RNPC3: variants seen among roughly 807,000 people sequenced by gnomAD.
RNPC3 encodes RNA binding region (RNP1, RRM) containing 3.
Under a neutral mutation model 67.5 loss-of-function variants are expected in RNPC3, and 48 were observed. The ratio of observed to expected loss-of-function variants is 0.71; its 90% CI spans 0.56 to 0.90. The LOEUF is 0.90. Ranked by LOEUF, RNPC3 falls within the 40% of genes least tolerant of loss-of-function variation. RNPC3 has a pLI of 0.00. For synonymous variants in RNPC3, 239 were observed against 210.3 expected (o/e 1.14, Z -1.18); for missense variants, 637 against 626.1 (o/e 1.02, Z -0.19).
chr1:103,549,808 T>C (rs963196209), intron 12 of RNPC3, among the ~76,000 whole-genome samples: 1 of 152,186 alleles, frequency 6.6e-6, no homozygotes, highest in Non-Finnish European at 1.5e-5. Context: ...ATTATGGTTT[T>C]AATTAGATAA....
intron 4 of RNPC3, 67 bp downstream of exon 4, chr1:103,534,924 ACTG>A (rs2101044802): frequency 1.1e-6 from 1 of 905,608 alleles, no homozygotes; most frequent in Non-Finnish European, 1.6e-6. Context: ...CAGATATCTT[ACTG>A]CTTTTTGCTT....
At position 103,544,948 on chromosome 1, in the gene RNPC3, T is replaced by G; in HGVS notation, c.1053T>G (p.Pro351=). ...QNCEEKNHDL[P]ATEVDASNIG... is the part of the protein sequence containing the mutation. Reference sequence around the variant, plus strand: ...TTAATATTGAACTCTTAGATTTACCTGCTACTGAAGTTGATGCATCCAATA... The same window carrying G: ...TTAATATTGAACTCTTAGATTTACCGGCTACTGAAGTTGATGCATCCAATA... The change falls in exon 10 of 15, where the codon CCT becomes CCG. Residue 351 remains proline (P), a synonymous_variant. Coordinates refer to ENST00000423855, the MANE Select transcript of RNPC3 (RefSeq NM_017619.4). The G allele has an allele frequency of 6.6e-7, 1 of 1,522,950 alleles. No homozygotes were observed. 94.3% of individuals were successfully genotyped at this position (1,522,950 alleles called of 1,614,324 possible). A position where few individuals can be genotyped will look rare whatever the true frequency, so the allele number is the denominator to read the frequency against.
At chr1:103,546,895 C>T (rs1651258223) in intron 11 of RNPC3, 82 bp from the exon 12 acceptor site, 2 of 709,292 alleles carry the variant, frequency 2.8e-6, no homozygotes, top group African/African-American at 3.6e-5. Flanking sequence ...ACCTCTTCTA[C>T]TGATGCATTG....
At chr1:103,527,566 G>T (rs1005994754) in intron 1 of RNPC3, 129 bp from the exon 2 acceptor site, 1 of 713,604 alleles carries the variant, frequency 1.4e-6, no homozygotes, top group Middle Eastern at 3.7e-4. Flanking sequence ...TCAGTTAAAT[G>T]GTCTTGAGTT....
In RNPC3 at chr1:103,525,902, C is replaced by CT. The variant is rs1650688209; in HGVS notation, c.-165dup. The CT allele has an allele frequency of 1.6e-6, 1 of 609,814 alleles. No individual in the cohort carries two copies. The highest frequency in any genetic ancestry group is 3.1e-5 in the Admixed American group (1 of 32,666). The allele number at this position is 609,814 out of a possible 1,614,324, so 37.8% of individuals were successfully genotyped here. ...CCGAAGAGTCTTCGAAGGGTTGCCG[C>CT]TTTTCGGTGGCGCAGTTCTCGCGAG... On this transcript the variant is annotated 5_prime_UTR_variant, in exon 1 of 15. Coordinates refer to ENST00000423855, the MANE Select transcript of RNPC3 (RefSeq NM_017619.4).
chr1:103,526,844 T>C (rs1007544423), intron 1 of RNPC3, among the ~76,000 whole-genome samples: 4 of 152,192 alleles, frequency 2.6e-5, no homozygotes, highest in African/African-American at 9.6e-5. Context: ...TTGCTTTATA[T>C]CCAAAGATAT....
chr1:103,541,479 ATTTTATTT>A lies in RNPC3; in HGVS notation c.893+5_893+12del. 6.7e-7 allele frequency: 1 copy of A among 1,483,072 alleles called. No homozygotes were observed. The highest frequency in any genetic ancestry group is 8.9e-7 in the Non-Finnish European group (1 of 1,126,970). 91.9% of individuals were successfully genotyped at this position (1,483,072 alleles called of 1,614,324 possible). On this transcript the variant is annotated splice_donor_5th_base_variant and intron_variant, in intron 8 of 14. Transcript: ENST00000423855. ...CACCTTTGTGTCCTTCACACAGGTA[ATTTTATTT>A]GAACTAAGAAATGAGGGTTGTCTGT...
intron 11 of RNPC3, chr1:103,546,606 G>C (rs910724095): frequency 3.1e-6 from 1 of 325,428 alleles, no homozygotes; most frequent in African/African-American, 2.1e-5. Context: ...AAACAACAGA[G>C]ATGTGTTGTC....
At chr1:103,547,628 A>G (rs536756586) in intron 12 of RNPC3, among the ~76,000 whole-genome samples, 1 of 152,348 alleles carries the variant, frequency 6.6e-6, no homozygotes, top group South Asian at 2.1e-4. Context: ...ATATGAAGCA[A>G]TGAGTCAAAA....
intron 12 of RNPC3, among the ~76,000 whole-genome samples, chr1:103,548,935 A>G (rs1238122910): frequency 6.6e-6 from 1 of 152,204 alleles, no homozygotes; most frequent in African/African-American, 2.4e-5. Context: ...GGCAGCAGGC[A>G]AAAAGAGAGA....
chr1:103,541,098 T>C (rs2101048281), intron 7 of RNPC3, among the ~76,000 whole-genome samples: 1 of 152,262 alleles, frequency 6.6e-6, no homozygotes, highest in South Asian at 2.1e-4. Flanking sequence ...TTTTAAAAAT[T>C]GATAATATGT....
chr1:103,551,148 C>G, intron 13 of RNPC3, 75 bp downstream of exon 13: 1 of 1,314,614 alleles, frequency 7.6e-7, no homozygotes, highest in Non-Finnish European at 1.0e-6. Context: ...TTTCATGTTA[C>G]CCTTTAGAAA....
At chr1:103,545,125 G>A in intron 10 of RNPC3, 23 bp downstream of exon 10, 6 of 1,511,126 alleles carry the variant, frequency 4.0e-6, no homozygotes, top group Non-Finnish European at 5.3e-6. Flanking sequence ...AATAAACTAA[G>A]CACATATTCC....
At chr1:103,542,940 T>C (rs1230488722) in intron 8 of RNPC3, among the ~76,000 whole-genome samples, 1 of 151,812 alleles carries the variant, frequency 6.6e-6, no homozygotes, top group Non-Finnish European at 1.5e-5. Context: ...TATATAGATA[T>C]GTTTAAAATA....
At chr1:103,547,797 C>G (rs570646051) in intron 12 of RNPC3, among the ~76,000 whole-genome samples, 1 of 152,142 alleles carries the variant, frequency 6.6e-6, no homozygotes, top group Non-Finnish European at 1.5e-5. Flanking sequence ...TAGACATACC[C>G]GAGAATGGGC....
intron 3 of RNPC3, among the ~76,000 whole-genome samples, chr1:103,534,337 G>A (rs1165336537): frequency 6.6e-6 from 1 of 151,952 alleles, no homozygotes; most frequent in African/African-American, 2.4e-5. Context: ...CAGTCTTACT[G>A]AATCAGAAAC....
intron 10 of RNPC3, chr1:103,546,024 T>A (rs1247386788): frequency 4.5e-6 from 1 of 224,366 alleles, no homozygotes; most frequent in Non-Finnish European, 8.6e-6. Context: ...TTAAACCCAT[T>A]TGTAATATTG....
intron 12 of RNPC3, among the ~76,000 whole-genome samples, chr1:103,547,465 A>G (rs1220326722): frequency 1.3e-5 from 2 of 152,092 alleles, no homozygotes; most frequent in African/African-American, 4.8e-5. Context: ...GCCTGGCAAA[A>G]CAGTTTTCTG....
chr1:103,543,591 C>T, intron 9 of RNPC3, 144 bp downstream of exon 9: 1 of 594,434 alleles, frequency 1.7e-6, no homozygotes, highest in Non-Finnish European at 2.7e-6. Flanking sequence ...GGAATAATAT[C>T]CGCTTTCAAC....
Sources: allele counts gnomAD v4.1 joint callset (sites outside exome capture counted in the v4.1 genomes callset), GRCh38; gene constraint gnomAD v4.1.1; transcripts MANE v1.5; gene names NCBI Gene and HGNC (gene_info 2026-07-23, HGNC 2026-07-21).